GTF2A2: variants seen among roughly 807,000 people sequenced by gnomAD.
The protein encoded by GTF2A2 is general transcription factor IIA subunit 2.
A neutral mutation model predicts 14.3 loss-of-function variants in GTF2A2; 9 were observed. The observed-to-expected ratio is 0.63, with a 90% CI of 0.38 to 1.10. GTF2A2 has a LOEUF of 1.10. Among genes scored for constraint, GTF2A2 ranks in the 50% least tolerant of loss-of-function variants. GTF2A2 has a pLI of 0.01. For missense variants in GTF2A2, 90 were observed against 124.6 expected, an observed-to-expected ratio of 0.72 and a Z score of 1.32; for synonymous variants, 56 against 46.0, an observed-to-expected ratio of 1.22 and a Z score of -0.88.
At chr15:59,652,106 C>T in intron 2 of GTF2A2, 100 bp downstream of exon 2, 1 of 715,290 alleles carries the variant, frequency 1.4e-6, no homozygotes. Context: ...TCAAATAGTC[C>T]AAGATATTTT....
intron 3 of GTF2A2, among the ~76,000 whole-genome samples, chr15:59,645,024 AATAGT>A (rs1194118376): frequency 6.6e-6 from 1 of 152,176 alleles, no homozygotes; most frequent in Non-Finnish European, 1.5e-5. Context: ...TTACTACAGT[AATAGT>A]ATAGTAAAGG....
At chr15:59,642,624 T>C (rs1483513809) in intron 3 of GTF2A2, among the ~76,000 whole-genome samples, 1 of 152,238 alleles carries the variant, frequency 6.6e-6, no homozygotes, top group Non-Finnish European at 1.5e-5. Context: ...TTTTATTGTG[T>C]ATGTTAATTC....
intron 4 of GTF2A2, among the ~76,000 whole-genome samples, chr15:59,639,465 T>A (rs1413652345): frequency 3.7e-3 from 3 of 812 alleles, no homozygotes; most frequent in African/African-American, 4.0e-3. Context: ...CTGTCCCAAA[T>A]TTTTTTTTTT....
chr15:59,656,139 C>T (rs1370794248), intron 1 of GTF2A2, among the ~76,000 whole-genome samples: 1 of 152,030 alleles, frequency 6.6e-6, no homozygotes, highest in African/African-American at 2.4e-5. Flanking sequence ...ACCATGATCT[C>T]TTTGACTTTA....
At chr15:59,641,391 TAAAAC>T (rs1411145706) in intron 4 of GTF2A2, among the ~76,000 whole-genome samples, 5 of 152,146 alleles carry the variant, frequency 3.3e-5, no homozygotes, top group Non-Finnish European at 7.4e-5. Flanking sequence ...GCAAAATATA[TAAAAC>T]AAATCCGACT....
Position 59,639,232 on chromosome 15 carries a change from C to G in GTF2A2, c.305-75G>C, listed in dbSNP as rs56964298. The G allele has an allele frequency of 1.5e-3, 1,294 of 866,168 alleles. 19 individuals are homozygous for G. The African/African-American group carries it at 0.019, about 13-fold the overall frequency. 53.7% of individuals were successfully genotyped at this position (866,168 alleles called of 1,614,324 possible). A position where few individuals can be genotyped will look rare whatever the true frequency, so the allele number is the denominator to read the frequency against. ...AATTTTACAATTAACTATTTTAAGACTATCAAAAATGAGAACACAGGACTA... is the reference window on the plus strand; with the variant it reads ...AATTTTACAATTAACTATTTTAAGAGTATCAAAAATGAGAACACAGGACTA... On this transcript the variant is annotated intron_variant, in intron 4 of 4. Coordinates refer to ENST00000396060, the MANE Select transcript of GTF2A2 (RefSeq NM_004492.3).
intron 3 of GTF2A2, among the ~76,000 whole-genome samples, chr15:59,642,795 T>TTG (rs1891474027): frequency 2.6e-5 from 4 of 152,116 alleles, no homozygotes; most frequent in Non-Finnish European, 5.9e-5. Flanking sequence ...TGAGATGGAG[T>TTG]CTTGCTCTGT....
At chr15:59,653,606 T>C (rs1002839827) in intron 1 of GTF2A2, among the ~76,000 whole-genome samples, 2 of 133,910 alleles carry the variant, frequency 1.5e-5, no homozygotes, top group Non-Finnish European at 3.4e-5. Flanking sequence ...ATTTTCCACA[T>C]ACTTTACTCT....
intron 3 of GTF2A2, among the ~76,000 whole-genome samples, chr15:59,645,110 G>C (rs1891558703): frequency 6.6e-6 from 1 of 152,176 alleles, no homozygotes; most frequent in South Asian, 2.1e-4. Context: ...TGGTGGGGTT[G>C]GGGGACAGAG....
chr15:59,639,217 T>TTAAC (rs1250147072), intron 4 of GTF2A2, 60 bp from the exon 5 acceptor site: 3 of 995,892 alleles, frequency 3.0e-6, no homozygotes, highest in Admixed American at 1.7e-5. Context: ...AATTTTACAA[T>TTAAC]TAACTATTTT....
At chr15:59,643,595 CT>C (rs34047348) in intron 3 of GTF2A2, among the ~76,000 whole-genome samples, 53,992 of 109,608 alleles carry the variant, frequency 0.49, 10,698 homozygotes, top group Middle Eastern at 0.6. Context: ...GAAATTTTTA[CT>C]TTTTTTTTTT....
At chr15:59,642,987 G>A (rs763895882) in intron 3 of GTF2A2, among the ~76,000 whole-genome samples, 6 of 150,918 alleles carry the variant, frequency 4.0e-5, no homozygotes, top group South Asian at 2.1e-4. Context: ...GGATGGTCTC[G>A]AACTCTGACC....
chr15:59,646,842 T>C (rs917749491), intron 3 of GTF2A2, among the ~76,000 whole-genome samples: 9 of 152,032 alleles, frequency 5.9e-5, no homozygotes, highest in Non-Finnish European at 8.8e-5. Context: ...TATAATCTTT[T>C]TAGAATAATT....
intron 3 of GTF2A2, among the ~76,000 whole-genome samples, chr15:59,650,325 C>T (rs1189328629): frequency 1.3e-5 from 2 of 152,174 alleles, no homozygotes; most frequent in Non-Finnish European, 2.9e-5. Context: ...AAAACCATAA[C>T]AGAACCTTGG....
At chr15:59,648,396 C>T (rs1377009894) in intron 3 of GTF2A2, among the ~76,000 whole-genome samples, 4 of 72,440 alleles carry the variant, frequency 5.5e-5, no homozygotes, top group African/African-American at 1.6e-4. Context: ...TAACAGACTT[C>T]GTCTCAAAAA....
At chr15:59,640,305 T>C (rs1330924562) in intron 4 of GTF2A2, 1 of 152,206 alleles carries the variant, frequency 6.6e-6, no homozygotes, top group Non-Finnish European at 1.5e-5. Context: ...CAGGAGCTCC[T>C]ATCAGTAAAA....
chr15:59,642,306 CCT>C (rs771760455), intron 3 of GTF2A2, 44 bp from the exon 4 acceptor site: 9 of 1,530,454 alleles, frequency 5.9e-6, no homozygotes, highest in Middle Eastern at 1.7e-4. Context: ...CGTTTTTTCC[CCT>C]CACATTTTTC....
At chr15:59,642,534 G>A (rs958725549) in intron 3 of GTF2A2, among the ~76,000 whole-genome samples, 1 of 152,234 alleles carries the variant, frequency 6.6e-6, no homozygotes, top group South Asian at 2.1e-4. Flanking sequence ...AAAAACTTGC[G>A]TTTGTATTTC....
chr15:59,645,305 G>C (rs1231420716), intron 3 of GTF2A2, among the ~76,000 whole-genome samples: 3 of 152,182 alleles, frequency 2.0e-5, no homozygotes, highest in Non-Finnish European at 4.4e-5. Context: ...ACCAAAGCCA[G>C]AGGGTTGGAT....
Sources: allele counts gnomAD v4.1 joint callset (sites outside exome capture counted in the v4.1 genomes callset), GRCh38; gene constraint gnomAD v4.1.1; transcripts MANE v1.5; gene names NCBI Gene and HGNC (gene_info 2026-07-23, HGNC 2026-07-21).